Variants in ITPR2 observed in about 807,000 individuals in gnomAD.
ITPR2 encodes inositol 1,4,5-trisphosphate receptor type 2.
ITPR2 carries 207 observed loss-of-function variants against 317.1 expected under a neutral mutation model. That is an observed-to-expected ratio of 0.65 (90% CI 0.58 to 0.73). The LOEUF is 0.73. ITPR2 is among the 30% of genes least tolerant of loss of function. The probability of loss-of-function intolerance (pLI) is 0.00; values close to 1 mark genes in which losing one functional copy is unlikely to be tolerated. For synonymous variants in ITPR2, 1,156 were observed against 1,149.1 expected (o/e 1.01, Z -0.12); for missense variants, 2,613 against 3,284.0 (o/e 0.80, Z 4.99).
At chr12:26,544,322 A>T (rs879808697) in intron 37 of ITPR2, among the ~76,000 whole-genome samples, 9 of 152,198 alleles carry the variant, frequency 5.9e-5, no homozygotes, top group Non-Finnish European at 8.8e-5. Context: ...TAGAAATTGT[A>T]CTCAAGGGTA....
intron 49 of ITPR2, chr12:26,419,725 A>G (rs1940831094): frequency 1.3e-5 from 2 of 152,160 alleles, no homozygotes; most frequent in South Asian, 4.1e-4. Flanking sequence ...TATAGTAAAT[A>G]TGTAAAATGT....
At position 26,422,167 on chromosome 12, in the gene ITPR2, T is replaced by C. The variant is rs527413998; in HGVS notation, c.6946-2954A>G. On this transcript the variant is annotated intron_variant, in intron 49 of 56. Transcript: ENST00000381340. ...CTAAATGATTAATTAATATATTTAATTTATTAGTTAATAATTTAGTAAATA... is the reference window on the plus strand; with the variant it reads ...CTAAATGATTAATTAATATATTTAACTTATTAGTTAATAATTTAGTAAATA... Among the ~76,000 whole-genome samples the C allele has an allele frequency of 2.7e-5, 4 of 150,114 alleles. 1 individual carries two copies. The South Asian group carries it at 6.3e-4, about 23-fold the overall frequency.
intron 10 of ITPR2, among the ~76,000 whole-genome samples, chr12:26,690,008 G>A (rs1948204819): frequency 6.6e-6 from 1 of 152,142 alleles, no homozygotes; most frequent in Non-Finnish European, 1.5e-5. Context: ...GAACCCTATT[G>A]TAGCCAAAAG....
At chr12:26,523,140 A>G (rs977221267) in intron 37 of ITPR2, among the ~76,000 whole-genome samples, 5 of 152,240 alleles carry the variant, frequency 3.3e-5, no homozygotes, top group African/African-American at 1.2e-4. Flanking sequence ...TTAAGCCTCT[A>G]GTATGATAAT....
At chr12:26,494,727 G>A (rs971212700) in intron 38 of ITPR2, among the ~76,000 whole-genome samples, 4 of 123,664 alleles carry the variant, frequency 3.2e-5, no homozygotes, top group Non-Finnish European at 6.4e-5. Context: ...CCAAGATTGC[G>A]CCACTGCACT....
chr12:26,597,522 CTCATCCATTGCA>C (rs1945877577), intron 30 of ITPR2, among the ~76,000 whole-genome samples: 1 of 152,054 alleles, frequency 6.6e-6, no homozygotes, highest in African/African-American at 2.4e-5. Flanking sequence ...GTAAAATATC[CTCATCCATTGCA>C]ATAATGACTA....
In ITPR2 at chr12:26,721,502, T is replaced by A. The variant is rs1430833442; in HGVS notation, c.525+895A>T. ...AATTATACTTTTATATTGCTTCGAA[T>A]TCATGTTAATTTTTTTAAATCTTAA... On this transcript the variant is annotated intron_variant, in intron 5 of 56. Transcript: ENST00000381340. 2.6e-5 allele frequency among the ~76,000 whole-genome samples: 4 copies of A among 152,206 alleles called. No homozygotes were observed. In the East Asian group the frequency reaches 7.7e-4, roughly 29 times the overall value.
chr12:26,465,215 C>T (rs1403651743), intron 45 of ITPR2, among the ~76,000 whole-genome samples: 3 of 152,108 alleles, frequency 2.0e-5, no homozygotes, highest in South Asian at 2.1e-4. Flanking sequence ...CAGGAGATTG[C>T]GCTGGGCAAA....
rs576343381 is a variant in ITPR2 at position 26,486,773 on chromosome 12, C to A, written c.5554+295G>T. On this transcript the variant is annotated intron_variant, in intron 40 of 56. Transcript: ENST00000381340. ...GTGGTAATTTCTGTTTTTAAAGTTTCATTTTCATGGTCACTTAAAAGATTT... is the reference window on the plus strand; with the variant it reads ...GTGGTAATTTCTGTTTTTAAAGTTTAATTTTCATGGTCACTTAAAAGATTT... 14 of 589,060 alleles carry A rather than the reference C, an allele frequency of 2.4e-5. No homozygotes were observed. In the East Asian group the frequency reaches 4.6e-4, roughly 19 times the overall value. 36.5% of individuals were successfully genotyped at this position (589,060 alleles called of 1,614,324 possible). A position where few individuals can be genotyped will look rare whatever the true frequency, so the allele number is the denominator to read the frequency against.
chr12:26,722,521 A>G lies in ITPR2; in HGVS notation c.401T>C (p.Val134Ala). Residue 134 changes from valine (V) to alanine (A), a missense_variant, in exon 5 of 57, where the codon GTC becomes GCC. By Grantham distance (64) the Val-to-Ala change is moderately conservative. This residue lies in a region of ITPR2 where 515 missense variants were observed against 789.4 expected (regional missense o/e 0.65). Coordinates refer to ENST00000381340, the MANE Select transcript of ITPR2 (RefSeq NM_002223.4). ...LHIKSNKYLT[V>A]NKRLPALLEK... ...CAGTAAAGCAGGTAATCTCTTGTTG[A>G]CAGTAAGATATTTGTTGCTTTTTAT... 6.2e-7 allele frequency: 1 copy of G among 1,612,914 alleles called. No homozygotes were observed. The highest frequency in any genetic ancestry group is 8.5e-7 in the Non-Finnish European group (1 of 1,179,214).
At chr12:26,406,438 T>G (rs1043936718) in intron 52 of ITPR2, 7 of 149,770 alleles carry the variant, frequency 4.7e-5, no homozygotes, top group Admixed American at 1.3e-4. Flanking sequence ...GTTTTTTTTT[T>G]TTTTTTTTTT....
At chr12:26,496,196 G>A (rs1591830506) in intron 37 of ITPR2, among the ~76,000 whole-genome samples, 1 of 152,254 alleles carries the variant, frequency 6.6e-6, no homozygotes, top group East Asian at 1.9e-4. Context: ...CCATCTTGCA[G>A]GTAAGGAAAC....
rs1313619503 is a variant in ITPR2, at chr12:26,663,734, A to G, written c.1664T>C (p.Leu555Pro). ...CGAGTGTCTCAGGACGCGGTAACAG[A>G]GCCGCAGCATGTACTTGTAGGGTGC... The part of the protein sequence containing the change: ...RYAPYKYMLR[L>P]CYRVLRHSQQ... The change falls in exon 15 of 57, where the codon CTC becomes CCC. Residue 555 changes from leucine to proline, a missense_variant. Leu to Pro is a moderately conservative substitution (Grantham distance 98). This residue lies in a region of ITPR2 where 515 missense variants were observed against 789.4 expected (regional missense o/e 0.65). Coordinates refer to ENST00000381340, the MANE Select transcript of ITPR2 (RefSeq NM_002223.4). The G allele has an allele frequency of 1.2e-6, 2 of 1,614,010 alleles. No homozygotes were observed. Among genetic ancestry groups the G allele is most frequent in the East Asian group, 2.2e-5 (1 of 44,880 alleles).
At chr12:26,666,149 G>GATAGATAGATAGATAC (rs1947625715) in intron 13 of ITPR2, 98 bp from the exon 14 acceptor site, 1 of 406,546 alleles carries the variant, frequency 2.5e-6, no homozygotes, top group African/African-American at 4.5e-5. Context: ...TAGATAGATA[G>GATAGATAGATAGATAC]ATAGATAGAT....
At chr12:26,781,893 G>A (rs1037920139) in intron 2 of ITPR2, among the ~76,000 whole-genome samples, 1 of 151,070 alleles carries the variant, frequency 6.6e-6, no homozygotes, top group Non-Finnish European at 1.5e-5. Flanking sequence ...TTCTGTGCCG[G>A]ATGCTTCCTG....
At chr12:26,578,940 A>C in intron 33 of ITPR2, 107 bp from the exon 34 acceptor site, 5 of 1,131,870 alleles carry the variant, frequency 4.4e-6, no homozygotes, top group Admixed American at 2.5e-5. Context: ...ATAAAATACA[A>C]TCTTTCAAGT....
At chr12:26,497,345 G>A (rs1331589579) in intron 37 of ITPR2, among the ~76,000 whole-genome samples, 2 of 151,974 alleles carry the variant, frequency 1.3e-5, no homozygotes, top group African/African-American at 2.4e-5. Flanking sequence ...TAGTAGAGAC[G>A]TGGTTTCACC....
chr12:26,813,759 A>C (rs1420225416), intron 1 of ITPR2, among the ~76,000 whole-genome samples: 1 of 152,204 alleles, frequency 6.6e-6, no homozygotes, highest in Non-Finnish European at 1.5e-5. Flanking sequence ...AGTGTACGCC[A>C]CCTGAAAGAG....
intron 45 of ITPR2, among the ~76,000 whole-genome samples, chr12:26,452,317 G>C (rs1941761649): frequency 1.3e-5 from 2 of 151,196 alleles, no homozygotes; most frequent in Admixed American, 6.6e-5. Flanking sequence ...TCCTTTAAAA[G>C]CATACAAGAG....
Sources: allele counts gnomAD v4.1 joint callset (sites outside exome capture counted in the v4.1 genomes callset), GRCh38; gene constraint gnomAD v4.1.1; regional missense constraint gnomAD v4.1.1; transcripts MANE v1.5; gene names NCBI Gene and HGNC (gene_info 2026-07-23, HGNC 2026-07-21).